IL12RB2: variants seen among roughly 807,000 people sequenced by gnomAD.
The protein encoded by IL12RB2 is interleukin 12 receptor subunit beta 2, also known as interleukin-12 receptor subunit beta-2.
In IL12RB2, 82 loss-of-function variants were observed where a neutral mutation model predicts 89.4. The ratio of observed to expected loss-of-function variants is 0.92; its 90% CI spans 0.77 to 1.10. IL12RB2 has a LOEUF of 1.10. Ranked by LOEUF, IL12RB2 falls within the 50% of genes least tolerant of loss-of-function variation. The pLI is 0.00. For synonymous variants in IL12RB2, 368 were observed against 370.1 expected (o/e 0.99, Z 0.07); for missense variants, 963 against 1,031.9 (o/e 0.93, Z 0.92).
intron 10 of IL12RB2, among the ~76,000 whole-genome samples, chr1:67,363,320 G>A (rs1231506703): frequency 6.8e-6 from 1 of 148,002 alleles, no homozygotes; most frequent in Non-Finnish European, 1.5e-5. Flanking sequence ...AGGTTCAAGC[G>A]ATTCTCCTGC....
chr1:67,371,850 T>C (rs915029910), intron 11 of IL12RB2, among the ~76,000 whole-genome samples: 14 of 152,132 alleles, frequency 9.2e-5, no homozygotes, highest in Non-Finnish European at 7.4e-5. Context: ...AGGGGTCGGA[T>C]TGCACCCAGA....
intron 2 of IL12RB2, among the ~76,000 whole-genome samples, chr1:67,317,047 TCTGAA>T (rs1302659891): frequency 1.3e-5 from 2 of 152,146 alleles, no homozygotes; most frequent in Non-Finnish European, 2.9e-5. Context: ...ATGAAAGGTG[TCTGAA>T]CTGAGTTTAG....
chr1:67,372,711 C>G lies in IL12RB2; in HGVS notation c.1645C>G (p.Gln549Glu). The G allele has an allele frequency of 6.2e-7, 1 of 1,605,116 alleles. No homozygotes were observed. The highest frequency in any genetic ancestry group is 1.1e-5 in the South Asian group (1 of 90,890). Residue 549 changes from glutamine (Q) to glutamate (E), a missense_variant, in exon 13 of 17, where the codon CAA (glutamine) becomes GAA (glutamate). Coordinates refer to ENST00000674203, the MANE Select transcript of IL12RB2 (RefSeq NM_001374259.2). ...ATGGAACAGCATTCCAGTCCAGGAG[C>G]AAATGGGCTGCCTCCTCCATTATAG... ...ISWNSIPVQE[Q>E]MGCLLHYRIY...
At chr1:67,355,286 C>T (rs17129856) in intron 10 of IL12RB2, among the ~76,000 whole-genome samples, 20 of 150,678 alleles carry the variant, frequency 1.3e-4, no homozygotes, top group African/African-American at 4.1e-4. Flanking sequence ...TGGTAGTGTG[C>T]GCCTGTAGTC....
chr1:67,372,917 C>T, intron 13 of IL12RB2, 134 bp downstream of exon 13: 4 of 735,048 alleles, frequency 5.4e-6, no homozygotes, highest in Non-Finnish European at 1.0e-5. Flanking sequence ...TCCATAAATA[C>T]TTGTAAAGTT....
At chr1:67,322,014 G>A (rs1271762450) in intron 4 of IL12RB2, 125 bp downstream of exon 4, 10 of 852,720 alleles carry the variant, frequency 1.2e-5, no homozygotes, top group Non-Finnish European at 1.8e-5. Context: ...CCACATTGAA[G>A]TATTTTATCT....
chr1:67,328,976 C>T (rs574897536), intron 6 of IL12RB2, among the ~76,000 whole-genome samples: 2 of 152,208 alleles, frequency 1.3e-5, no homozygotes, highest in Non-Finnish European at 2.9e-5. Flanking sequence ...CAGAACTGGG[C>T]TGCCTGAAGT....
At chr1:67,354,536 G>C (rs1183334124) in intron 10 of IL12RB2, among the ~76,000 whole-genome samples, 1 of 152,100 alleles carries the variant, frequency 6.6e-6, no homozygotes, top group Admixed American at 6.5e-5. Flanking sequence ...AAGGACATGA[G>C]GCAATTCTTC....
Position 67,328,238 on chromosome 1 carries a change from G to A in IL12RB2, c.518G>A (p.Cys173Tyr), listed in dbSNP as rs1158337626. 1 of 1,614,132 alleles carries A rather than the reference G, an allele frequency of 6.2e-7. No homozygotes were observed. Among genetic ancestry groups the A allele is most frequent in the South Asian group, 1.1e-5 (1 of 91,078 alleles). Residue 173 changes from cysteine to tyrosine, a missense_variant, in exon 6 of 17, where the codon TGT becomes TAT. Cys to Tyr is a radical substitution (Grantham distance 194). Coordinates refer to ENST00000674203, the MANE Select transcript of IL12RB2 (RefSeq NM_001374259.2). ...GPKNLTWQKQ[C>Y]KDIYCDYLDF... The stretch of plus-strand genomic sequence containing the variant: ...AAAAATTTAACCTGGCAGAAGCAAT[G>A]TAAAGACATTTATTGTGACTATTTG...
chr1:67,379,159 T>A (rs964935419), intron 13 of IL12RB2, among the ~76,000 whole-genome samples: 4 of 151,388 alleles, frequency 2.6e-5, no homozygotes, highest in Non-Finnish European at 5.9e-5. Flanking sequence ...ATCGTGCCAC[T>A]GCACTCTAGC....
At chr1:67,358,606 A>G (rs1258188815) in intron 10 of IL12RB2, among the ~76,000 whole-genome samples, 1 of 152,018 alleles carries the variant, frequency 6.6e-6, no homozygotes, top group Non-Finnish European at 1.5e-5. Context: ...TTAAAATTAA[A>G]AAAATTAAAA....
intron 11 of IL12RB2, among the ~76,000 whole-genome samples, chr1:67,371,255 G>A (rs1663269415): frequency 6.6e-6 from 1 of 152,188 alleles, no homozygotes; most frequent in Admixed American, 6.6e-5. Flanking sequence ...ATTTACCCAT[G>A]GCATGTGTTT....
chr1:67,343,224 A>G (rs1485953707), intron 9 of IL12RB2, among the ~76,000 whole-genome samples: 2 of 151,028 alleles, frequency 1.3e-5, no homozygotes, highest in African/African-American at 4.9e-5. Context: ...AGTAGCTGAG[A>G]CTACAGGCAT....
At chr1:67,353,405 A>G (rs1661053180) in intron 10 of IL12RB2, among the ~76,000 whole-genome samples, 1 of 152,114 alleles carries the variant, frequency 6.6e-6, no homozygotes, top group African/African-American at 2.4e-5. Flanking sequence ...AGATACAAAA[A>G]AAAATAAAAA....
chr1:67,336,318 G>A lies in IL12RB2; in HGVS notation c.959-2306G>A, dbSNP rs150455617. On this transcript the variant is annotated intron_variant, in intron 8 of 16. Coordinates refer to ENST00000674203, the MANE Select transcript of IL12RB2 (RefSeq NM_001374259.2). ...CAGATGTAATCATATGCACCCTTGC[G>A]TTGTGTGAGGGTTAAACGAGATGAT... is the stretch of plus-strand genomic sequence containing the variant. Among the ~76,000 whole-genome samples, 25 of 152,286 alleles carry A rather than the reference G, an allele frequency of 1.6e-4. No homozygotes were observed. In the East Asian group the frequency reaches 3.3e-3, roughly 20 times the overall value.
At chr1:67,341,777 C>T (rs144502533) in intron 9 of IL12RB2, among the ~76,000 whole-genome samples, 356 of 152,304 alleles carry the variant, frequency 2.3e-3, no homozygotes, top group African/African-American at 7.3e-3. Context: ...CAAACCTGGG[C>T]TTCTTTAATG....
At chr1:67,360,029 G>A (rs1661838216) in intron 10 of IL12RB2, among the ~76,000 whole-genome samples, 1 of 152,046 alleles carries the variant, frequency 6.6e-6, no homozygotes, top group African/African-American at 2.4e-5. Flanking sequence ...GGCTCAGAAC[G>A]GACAAATCTG....
intron 14 of IL12RB2, among the ~76,000 whole-genome samples, chr1:67,383,807 C>A (rs999904801): frequency 1.3e-5 from 2 of 152,214 alleles, no homozygotes; most frequent in Non-Finnish European, 2.9e-5. Flanking sequence ...TTGCCAAGGT[C>A]AGATTTTTCA....
At chr1:67,330,842 G>T in intron 8 of IL12RB2, 32 bp downstream of exon 8, 2 of 1,248,856 alleles carry the variant, frequency 1.6e-6, no homozygotes, top group South Asian at 1.2e-5. Flanking sequence ...ACCTATCGGG[G>T]AGCAATAAAG....
Sources: allele counts gnomAD v4.1 joint callset (sites outside exome capture counted in the v4.1 genomes callset), GRCh38; gene constraint gnomAD v4.1.1; transcripts MANE v1.5; gene names NCBI Gene and HGNC (gene_info 2026-07-23, HGNC 2026-07-21).